Variants in INTS10 observed in about 807,000 individuals in gnomAD.
INTS10 encodes the protein chromosome 8 open reading frame 35.
In INTS10, 44 loss-of-function variants were observed where a neutral mutation model predicts 94.4. The ratio of observed to expected loss-of-function variants is 0.47; its 90% CI spans 0.37 to 0.60. The LOEUF (loss-of-function observed/expected upper bound fraction) is 0.60, where lower values mean the gene tolerates loss of function less well. INTS10 is among the 20% of genes least tolerant of loss of function. The pLI, the probability that INTS10 is intolerant of heterozygous loss-of-function variation, is 0.00. For missense variants in INTS10, 797 were observed against 868.7 expected (o/e 0.92, Z 1.04); for synonymous variants, 341 against 320.7 (o/e 1.06, Z -0.68).
intron 8 of INTS10, 45 bp from the exon 9 acceptor site, chr8:19,826,381 C>A: frequency 1.3e-6 from 2 of 1,563,104 alleles, no homozygotes; most frequent in Middle Eastern, 1.7e-4. Context: ...CGCGCCTGGC[C>A]TCCTTGCTGC....
At chr8:19,830,863 G>A (rs1198100039) in intron 10 of INTS10, among the ~76,000 whole-genome samples, 1 of 152,050 alleles carries the variant, frequency 6.6e-6, no homozygotes, top group Non-Finnish European at 1.5e-5. Context: ...TAGTAGAGAC[G>A]GGGTTTCATC....
chr8:19,818,347 G>A lies in INTS10; in HGVS notation c.197+5G>A. ...CGGGAGGCTGCTGTACGACATGTGA[G>A]TGGGACGCTTGACATCACTTTTACT... On this transcript the variant is annotated splice_donor_5th_base_variant and intron_variant, in intron 2 of 16. Coordinates refer to ENST00000397977, the MANE Select transcript of INTS10 (RefSeq NM_018142.4). The A allele has an allele frequency of 6.2e-7, 1 of 1,614,020 alleles. No homozygotes were observed. The highest frequency in any genetic ancestry group is 2.2e-5 in the East Asian group (1 of 44,878).
At position 19,843,635 on chromosome 8, in the gene INTS10, C is replaced by T. The variant is rs1490340635; in HGVS notation, c.1720-441C>T. ...CACTTCTGCTTATTTCCTTGTGGCT[C>T]ACCACCTTTCCTTCTCTGCAATCCC... On this transcript the variant is annotated intron_variant, in intron 14 of 16. Coordinates refer to ENST00000397977, the MANE Select transcript of INTS10 (RefSeq NM_018142.4). This position sits in a 1 kb window ranked among gnomAD's most constrained non-coding sequence, Gnocchi z 4.7. Among the ~76,000 whole-genome samples the T allele has an allele frequency of 6.6e-6, 1 of 152,226 alleles. No individual in the cohort carries two copies. Among genetic ancestry groups the T allele is most frequent in the Non-Finnish European group, 1.5e-5 (1 of 68,048 alleles).
intron 12 of INTS10, among the ~76,000 whole-genome samples, chr8:19,834,236 A>C (rs1298071877): frequency 6.6e-6 from 1 of 152,204 alleles, no homozygotes; most frequent in African/African-American, 2.4e-5. Context: ...AGCATAACAC[A>C]AACTGATTTC....
At position 19,843,684 on chromosome 8, in the gene INTS10, C is replaced by G. The variant is rs2068325786; in HGVS notation, c.1720-392C>G. Among the ~76,000 whole-genome samples, 1 of 152,212 alleles carries G rather than the reference C, an allele frequency of 6.6e-6. No individual in the cohort carries two copies. Among genetic ancestry groups the G allele is most frequent in the African/African-American group, 2.4e-5 (1 of 41,454 alleles). ...CCATGTTCTCTACAAACAGTTCTCT[C>G]CTGGATGGCCTCTTGCCCACCTACT... On this transcript the variant is annotated intron_variant, in intron 14 of 16. Coordinates refer to ENST00000397977, the MANE Select transcript of INTS10 (RefSeq NM_018142.4). This position sits in a 1 kb window ranked among gnomAD's most constrained non-coding sequence, Gnocchi z 4.7.
At chr8:19,848,367 G>A (rs2068749279) in intron 16 of INTS10, among the ~76,000 whole-genome samples, 2 of 152,180 alleles carry the variant, frequency 1.3e-5, no homozygotes, top group Admixed American at 6.5e-5. Flanking sequence ...ACTCAAAGGA[G>A]GGAGAAGCTC....
intron 3 of INTS10, among the ~76,000 whole-genome samples, chr8:19,820,054 T>C (rs1158617765): frequency 6.6e-6 from 1 of 152,230 alleles, no homozygotes; most frequent in Non-Finnish European, 1.5e-5. Context: ...CTAGATAAAA[T>C]AGCAAGTAGA....
chr8:19,844,248 T>G lies in INTS10; in HGVS notation c.1882+10T>G, dbSNP rs1228818682. ...TTCAATTACGTTACAAGTATCCTTT[T>G]TTCTTGTTTAAGCATAACACATTCT... is the stretch of plus-strand genomic sequence containing the variant. On this transcript the variant is annotated intron_variant, in intron 15 of 16. Coordinates refer to ENST00000397977, the MANE Select transcript of INTS10 (RefSeq NM_018142.4). 1 of 1,583,152 alleles carries G rather than the reference T, an allele frequency of 6.3e-7. No individual in the cohort carries two copies. The highest frequency in any genetic ancestry group is 8.7e-7 in the Non-Finnish European group (1 of 1,153,832).
At chr8:19,838,202 A>G (rs140238955) in intron 13 of INTS10, among the ~76,000 whole-genome samples, 5 of 152,178 alleles carry the variant, frequency 3.3e-5, no homozygotes, top group African/African-American at 9.6e-5. Flanking sequence ...CTAAAAATAT[A>G]AAAATTACCC....
chr8:19,836,353 G>A (rs555583693), intron 12 of INTS10, among the ~76,000 whole-genome samples: 35 of 152,224 alleles, frequency 2.3e-4, no homozygotes, highest in African/African-American at 7.9e-4. Context: ...GAGAGGGAGC[G>A]GTGATGCAGA....
At chr8:19,848,995 C>T (rs1318085384) in intron 16 of INTS10, 12 of 287,090 alleles carry the variant, frequency 4.2e-5, no homozygotes, top group Non-Finnish European at 8.8e-5. Context: ...TGGCTAGCTT[C>T]TCCCCAGTCT....
chr8:19,837,163 A>G lies in INTS10; in HGVS notation c.1639+3A>G, dbSNP rs1005231498. 10 of 1,563,874 alleles carry G rather than the reference A, an allele frequency of 6.4e-6. No individual in the cohort carries two copies. The Admixed American group carries it at 1.7e-4, about 26-fold the overall frequency. ...AGTAAAGCCCAAATTTAGAAAAGGT[A>G]CAGTGACATGTTTTATGACTATTTT... On this transcript the variant is annotated splice_donor_region_variant and intron_variant, in intron 13 of 16. Transcript: ENST00000397977.
intron 2 of INTS10, 38 bp downstream of exon 2, chr8:19,818,380 ATCTC>A (rs1483932807): frequency 1.4e-5 from 22 of 1,592,424 alleles, no homozygotes; most frequent in Non-Finnish European, 1.9e-5. Flanking sequence ...ACTGCACTGA[ATCTC>A]TCCATGAGGT....
intron 6 of INTS10, 120 bp downstream of exon 6, chr8:19,823,561 A>G (rs2066556229): frequency 1.3e-6 from 1 of 750,866 alleles, no homozygotes; most frequent in Non-Finnish European, 2.2e-6. Context: ...GAGTGTTTCA[A>G]AAGATGGTAT....
intron 10 of INTS10, among the ~76,000 whole-genome samples, chr8:19,831,407 C>T (rs1364336966): frequency 1.3e-5 from 2 of 152,012 alleles, no homozygotes; most frequent in Non-Finnish European, 2.9e-5. Context: ...TAAAATGGGC[C>T]AGGCAAGATG....
intron 2 of INTS10, 162 bp downstream of exon 2, chr8:19,818,504 G>C: frequency 1.6e-6 from 1 of 638,646 alleles, no homozygotes; most frequent in South Asian, 1.9e-5. Flanking sequence ...ATAAATTGCT[G>C]ACATGGCTTT....
At chr8:19,834,949 C>T (rs1045419244) in intron 12 of INTS10, among the ~76,000 whole-genome samples, 11 of 152,050 alleles carry the variant, frequency 7.2e-5, no homozygotes, top group Non-Finnish European at 1.5e-4. Context: ...GATAAGGGCA[C>T]GAATCCCATT....
In INTS10 at chr8:19,846,761, T is replaced by C. The variant is rs1374191149; in HGVS notation, c.1976+964T>C. Among the ~76,000 whole-genome samples the C allele has an allele frequency of 6.6e-6, 1 of 152,214 alleles. No individual in the cohort carries two copies. The highest frequency in any genetic ancestry group is 1.9e-4 in the East Asian group (1 of 5,196). On this transcript the variant is annotated intron_variant, in intron 16 of 16. Coordinates refer to ENST00000397977, the MANE Select transcript of INTS10 (RefSeq NM_018142.4). This position sits in a 1 kb window ranked among gnomAD's most constrained non-coding sequence, Gnocchi z 4.2. ...TGATTTTTAAATAGCTCATAAATCTTGCTTCTCTCCTTCAATCCTCATTGT... is the reference window on the plus strand; with the variant it reads ...TGATTTTTAAATAGCTCATAAATCTCGCTTCTCTCCTTCAATCCTCATTGT...
At chr8:19,828,132 G>T (rs2066945446) in intron 9 of INTS10, among the ~76,000 whole-genome samples, 1 of 152,070 alleles carries the variant, frequency 6.6e-6, no homozygotes, top group East Asian at 1.9e-4. Flanking sequence ...GATCCCTTGA[G>T]CTCAGGAGTT....
Sources: gnomAD v4.1 joint callset for allele counts (sites outside exome capture counted in the v4.1 genomes callset) on GRCh38, gnomAD v4.1.1 for gene constraint, Gnocchi (gnomAD v3.1) non-coding constraint, MANE v1.5 for transcripts, NCBI Gene and HGNC (gene_info 2026-07-23, HGNC 2026-07-21) for gene names.